Variants in HHAT observed in about 807,000 individuals in gnomAD.
HHAT encodes the protein protein-cysteine N-palmitoyltransferase HHAT.
HHAT carries 47 observed loss-of-function variants against 70.8 expected under a neutral mutation model. That is an observed-to-expected ratio of 0.66 (90% CI 0.53 to 0.85). The LOEUF (loss-of-function observed/expected upper bound fraction) is 0.85, where lower values mean the gene tolerates loss of function less well. Ranked by LOEUF, HHAT falls within the 40% of genes least tolerant of loss-of-function variation. HHAT has a pLI of 0.00. For missense variants in HHAT, 609 were observed against 604.8 expected (o/e 1.01, Z -0.07); for synonymous variants, 228 against 247.6 (o/e 0.92, Z 0.74).
At chr1:210,487,148 G>T (rs548977032) in intron 8 of HHAT, among the ~76,000 whole-genome samples, 1 of 152,280 alleles carries the variant, frequency 6.6e-6, no homozygotes, top group South Asian at 2.1e-4. Context: ...GCATCTGTGT[G>T]GCTGTGCAAA....
chr1:210,565,515 G>C (rs754801002), intron 9 of HHAT, among the ~76,000 whole-genome samples: 2 of 152,100 alleles, frequency 1.3e-5, no homozygotes, highest in African/African-American at 2.4e-5. Flanking sequence ...TATTCCTGTC[G>C]TTCCATGAAT....
chr1:210,529,286 C>G (rs2095286855), intron 9 of HHAT, among the ~76,000 whole-genome samples: 1 of 139,842 alleles, frequency 7.2e-6, no homozygotes. Flanking sequence ...GCCTGGGCAA[C>G]AGAACGAGAC....
At chr1:210,640,834 G>T (rs1672843162) in intron 11 of HHAT, among the ~76,000 whole-genome samples, 1 of 152,154 alleles carries the variant, frequency 6.6e-6, no homozygotes, top group South Asian at 2.1e-4. Context: ...CACGATTATG[G>T]TTTGCAAAGC....
At chr1:210,374,267 T>A (rs374889067) in intron 3 of HHAT, 16 of 60,812 alleles carry the variant, frequency 2.6e-4, no homozygotes, top group African/African-American at 1.1e-3. Context: ...GAAACCAGTG[T>A]AATGCTACAA....
chr1:210,544,819 T>C (rs1342755366), intron 9 of HHAT, among the ~76,000 whole-genome samples: 5 of 152,226 alleles, frequency 3.3e-5, no homozygotes, highest in African/African-American at 1.2e-4. Flanking sequence ...GTAGTTGTTA[T>C]GTCAGTAAAT....
chr1:210,514,932 A>G (rs776566833), intron 9 of HHAT, among the ~76,000 whole-genome samples: 22 of 152,178 alleles, frequency 1.4e-4, no homozygotes, highest in Non-Finnish European at 2.9e-4. Context: ...CTGGGCTCCA[A>G]CCATTCCTCC....
At chr1:210,466,685 C>A (rs921110907) in intron 8 of HHAT, among the ~76,000 whole-genome samples, 1 of 152,202 alleles carries the variant, frequency 6.6e-6, no homozygotes, top group Non-Finnish European at 1.5e-5. Context: ...TCCATAAATA[C>A]CAACCCACTG....
intron 11 of HHAT, among the ~76,000 whole-genome samples, chr1:210,626,470 T>C (rs1249155618): frequency 6.6e-6 from 1 of 152,170 alleles, no homozygotes; most frequent in Non-Finnish European, 1.5e-5. Flanking sequence ...AGAAGGCTTT[T>C]TCTATGTCAG....
chr1:210,595,102 C>G (rs918441465), intron 10 of HHAT, among the ~76,000 whole-genome samples: 3 of 152,128 alleles, frequency 2.0e-5, no homozygotes, highest in Admixed American at 2.0e-4. Flanking sequence ...TCTCCTAATG[C>G]TATTCCTCCC....
intron 7 of HHAT, among the ~76,000 whole-genome samples, chr1:210,424,320 G>T (rs1008553090): frequency 6.6e-5 from 10 of 151,868 alleles, no homozygotes; most frequent in African/African-American, 2.2e-4. Context: ...GATTTCTTTA[G>T]TTCACTGTTG....
chr1:210,493,631 G>C (rs2094585589), intron 8 of HHAT, among the ~76,000 whole-genome samples: 1 of 152,180 alleles, frequency 6.6e-6, no homozygotes, highest in African/African-American at 2.4e-5. Context: ...GAGTATGAGA[G>C]AGAGGTCAAA....
At chr1:210,552,058 TC>T (rs761329058) in intron 9 of HHAT, among the ~76,000 whole-genome samples, 2 of 152,232 alleles carry the variant, frequency 1.3e-5, no homozygotes, top group African/African-American at 2.4e-5. Context: ...TGCAGTTGCT[TC>T]GTCTCCAGCA....
At chr1:210,608,263 T>A (rs1665916930) in intron 10 of HHAT, among the ~76,000 whole-genome samples, 2 of 152,194 alleles carry the variant, frequency 1.3e-5, no homozygotes, top group East Asian at 3.9e-4. Context: ...GTCAACTGAT[T>A]GTTTTTGTAT....
chr1:210,658,794 C>T (rs941519847), intron 11 of HHAT, among the ~76,000 whole-genome samples: 6 of 152,172 alleles, frequency 3.9e-5, no homozygotes, highest in African/African-American at 7.2e-5. Context: ...CACTCAAAAC[C>T]GCACAACTAC....
chr1:210,565,781 C>T (rs1280803788), intron 9 of HHAT, among the ~76,000 whole-genome samples: 1 of 152,156 alleles, frequency 6.6e-6, no homozygotes, highest in Non-Finnish European at 1.5e-5. Flanking sequence ...CAGTGAAAAG[C>T]ACCAGGAAGC....
intron 3 of HHAT, chr1:210,374,030 AAG>A (rs1390041629): frequency 6.6e-6 from 1 of 152,234 alleles, no homozygotes; most frequent in Non-Finnish European, 1.5e-5. Flanking sequence ...CATGGAAAAC[AAG>A]AGTTAACTGT....
chr1:210,455,153 G>T (rs1486399543), intron 7 of HHAT, among the ~76,000 whole-genome samples: 1 of 152,160 alleles, frequency 6.6e-6, no homozygotes, highest in South Asian at 2.1e-4. Flanking sequence ...CAGCTGAAAG[G>T]CTTCCCGAGA....
At chr1:210,528,771 A>G (rs1225648368) in intron 9 of HHAT, among the ~76,000 whole-genome samples, 1 of 152,144 alleles carries the variant, frequency 6.6e-6, no homozygotes, top group African/African-American at 2.4e-5. Context: ...CCCTTTCCTG[A>G]AAGAGAAAAA....
intron 9 of HHAT, among the ~76,000 whole-genome samples, chr1:210,524,356 T>C (rs2095213435): frequency 6.6e-6 from 1 of 152,174 alleles, no homozygotes; most frequent in Admixed American, 6.5e-5. Context: ...TTTGAAGGGC[T>C]GGGCAGGAAG....
Sources: allele counts gnomAD v4.1 joint callset (sites outside exome capture counted in the v4.1 genomes callset), GRCh38; gene constraint gnomAD v4.1.1; transcripts MANE v1.5; gene names NCBI Gene and HGNC (gene_info 2026-07-23, HGNC 2026-07-21).